The following C5orf15 variants were observed in gnomAD, a reference collection of about 807,000 sequenced individuals.
C5orf15 encodes the protein keratinocyte-associated transmembrane protein 2.
C5orf15 carries 10 observed loss-of-function variants against 17.8 expected under a neutral mutation model. The observed-to-expected ratio is 0.56, with a 90% CI of 0.35 to 0.95. The LOEUF (loss-of-function observed/expected upper bound fraction) is 0.95, where lower values mean the gene tolerates loss of function less well. C5orf15 is among the 40% of genes least tolerant of loss of function. C5orf15 has a pLI of 0.02. For synonymous variants in C5orf15, 124 were observed against 131.0 expected (o/e 0.95, Z 0.36); for missense variants, 319 against 331.7 (o/e 0.96, Z 0.30).
rs1360359956 is a variant in C5orf15 at position 133,956,960 on chromosome 5, G to T, written c.697C>A (p.Arg233Ser). ...IFLLVQSRKW[R>S]DGLCSKTVEY... ...ACTGTTTTGGAACAAAGGCCATCAC[G>T]CCATTTCCTGCTTTGAACCAGAAGA... is the stretch of plus-strand genomic sequence containing the variant. The change falls in exon 3 of 3, where the codon CGT becomes AGT. Residue 233 changes from arginine (R) to serine (S), a missense_variant. Physicochemically the swap from Arg to Ser is moderately radical, Grantham distance 110. Coordinates refer to ENST00000231512, the MANE Select transcript of C5orf15 (RefSeq NM_020199.3). 1 of 1,610,270 alleles carries T rather than the reference G, an allele frequency of 6.2e-7. No homozygotes were observed. Among genetic ancestry groups the T allele is most frequent in the Non-Finnish European group, 8.5e-7 (1 of 1,178,958 alleles).
At position 133,968,551 on chromosome 5, in the gene C5orf15, G is replaced by T. The variant is rs1233419461; in HGVS notation, c.34C>A (p.Pro12Thr). The T allele has an allele frequency of 3.1e-6, 5 of 1,609,892 alleles. No homozygotes were observed. Among genetic ancestry groups the T allele is most frequent in the Non-Finnish European group, 4.2e-6 (5 of 1,178,702 alleles). The change falls in exon 1 of 3, where the codon CCA becomes ACA. Residue 12 changes from proline (P) to threonine (T), a missense_variant. This residue lies in a region of C5orf15 where 127 missense variants were observed against 95.6 expected (regional missense o/e 1.33). Transcript: ENST00000231512. ...AAAVPKRMRG[P>T]AQAKLLPGSA... ...CCGGGCAGCAGTTTCGCTTGTGCTG[G>T]CCCCCTCATCCTCTTCGGGACGGCA...
At position 133,959,673 on chromosome 5, in the gene C5orf15, C is replaced by A; in HGVS notation, c.487G>T (p.Asp163Tyr). Residue 163 changes from aspartate to tyrosine, a missense_variant, in exon 2 of 3, where the codon GAC becomes TAC. This residue lies in a region of C5orf15 where 175 missense variants were observed against 192.4 expected (regional missense o/e 0.91). Coordinates refer to ENST00000231512, the MANE Select transcript of C5orf15 (RefSeq NM_020199.3). ...TCTTCCAAGGTGTCATCAGACTCGTCGTCGTCCCTGGGGCCCGTGGTCCAG... is the reference window on the plus strand; with the variant it reads ...TCTTCCAAGGTGTCATCAGACTCGTAGTCGTCCCTGGGGCCCGTGGTCCAG... The part of the protein sequence containing the change: ...YDWTTGPRDD[D>Y]ESDDTLEENR... 1 of 1,613,554 alleles carries A rather than the reference C, an allele frequency of 6.2e-7. No individual in the cohort carries two copies. Among genetic ancestry groups the A allele is most frequent in the Non-Finnish European group, 8.5e-7 (1 of 1,179,840 alleles).
In C5orf15 at chr5:133,959,511, A is replaced by G; in HGVS notation, c.649T>C (p.Tyr217His). Reference protein sequence around the residue: ...AFCIAVVYITYHNKRKIFLLV... With the variant: ...AFCIAVVYITHHNKRKIFLLV... Reference sequence around the variant, plus strand: ...AAACCTACCTTCCTTTTGTTGTGATATGTAATGTAAACAACAGCAATGCAA... The same window carrying G: ...AAACCTACCTTCCTTTTGTTGTGATGTGTAATGTAAACAACAGCAATGCAA... The change falls in exon 2 of 3, where the codon TAT becomes CAT. Residue 217 changes from tyrosine (Y) to histidine (H), a missense_variant. Physicochemically the swap from Tyr to His is moderately conservative, Grantham distance 83 (BLOSUM62 2). Transcript: ENST00000231512. 2 of 1,539,068 alleles carry G rather than the reference A, an allele frequency of 1.3e-6. No individual in the cohort carries two copies. The highest frequency in any genetic ancestry group is 1.7e-6 in the Non-Finnish European group (2 of 1,143,196).
chr5:133,961,284 G>A (rs537529677), intron 1 of C5orf15, among the ~76,000 whole-genome samples: 259 of 123,338 alleles, frequency 2.1e-3, no homozygotes, highest in Admixed American at 2.9e-3. Context: ...TGTGGCTCAC[G>A]CCTGTAATCC....
At chr5:133,968,250 C>T (rs1752225041) in intron 1 of C5orf15, among the ~76,000 whole-genome samples, 196 bp downstream of exon 1, 1 of 152,036 alleles carries the variant, frequency 6.6e-6, no homozygotes, top group Non-Finnish European at 1.5e-5. Context: ...TTCTCAGGCC[C>T]CTTGGAGACC....
At chr5:133,960,371 G>A (rs139719527) in intron 1 of C5orf15, among the ~76,000 whole-genome samples, 118 of 152,242 alleles carry the variant, frequency 7.8e-4, no homozygotes, top group African/African-American at 2.6e-3. Context: ...TTCATAAAGG[G>A]TGTGGATTTC....
rs544989055 is a variant in C5orf15, at chr5:133,959,981, T to A, written c.179A>T (p.Asn60Ile). The A allele has an allele frequency of 1.2e-6, 2 of 1,613,044 alleles. No individual in the cohort carries two copies. Among genetic ancestry groups the A allele is most frequent in the South Asian group, 2.2e-5 (2 of 91,048 alleles). ...RTDSPSPTVL[N>I]SHISTPNVNA... ...CACATTTGGGGTAGAAATATGTGAG[T>A]TGAGTACGGTTGGGCTCGGTGAATC... The change falls in exon 2 of 3, where the codon AAC (asparagine) becomes ATC (isoleucine). Residue 60 changes from asparagine to isoleucine, a missense_variant. By Grantham distance (149) the Asn-to-Ile change is moderately radical (BLOSUM62 -3). This residue lies in a region of C5orf15 where 127 missense variants were observed against 95.6 expected (regional missense o/e 1.33). Transcript: ENST00000231512.
chr5:133,958,599 A>AC (rs1207755880), intron 2 of C5orf15, among the ~76,000 whole-genome samples: 8 of 149,260 alleles, frequency 5.4e-5, no homozygotes, highest in African/African-American at 1.3e-4. Context: ...AAAAAAAAAA[A>AC]AAAAACTCTG....
rs749943142 is a variant in C5orf15, at chr5:133,959,700, CAT to C, written c.458_459del (p.Tyr153Ter). 120 of 1,613,720 alleles carry C rather than the reference CAT, an allele frequency of 7.4e-5. No homozygotes were observed. Among genetic ancestry groups the C allele is most frequent in the Admixed American group, 4.8e-4 (29 of 59,976 alleles). On this transcript the variant is annotated frameshift_variant, in exon 2 of 3. Transcript: ENST00000231512. LOFTEE classifies it high-confidence loss of function. ...LDNGDYGEPD[Y>X]DWTTGPRDDD... ...TCGTCCCTGGGGCCCGTGGTCCAGT[CAT>C]AGTCTGGTTCTCCATAATCGCCATT... is the stretch of plus-strand genomic sequence containing the variant.
chr5:133,964,400 G>C (rs774749105), intron 1 of C5orf15, among the ~76,000 whole-genome samples: 9 of 152,120 alleles, frequency 5.9e-5, no homozygotes, highest in Non-Finnish European at 1.0e-4. Context: ...GTTACCAGGA[G>C]TTCAGGAGGG....
rs1403626462 is a variant in C5orf15, at chr5:133,968,500, A to G, written c.85T>C (p.Leu29=). Residue 29 remains leucine (L), a synonymous_variant, in exon 1 of 3, where the codon TTG becomes CTG. Coordinates refer to ENST00000231512, the MANE Select transcript of C5orf15 (RefSeq NM_020199.3). ...PGSAIQALVG[L]ARPLVLALLL... is the part of the protein sequence containing the mutation. ...AGCGCCAAGACCAGCGGCCGCGCCA[A>G]CCCCACAAGGGCTTGGATGGCCGAC... 1.2e-6 allele frequency: 2 copies of G among 1,606,564 alleles called. No homozygotes were observed. The highest frequency in any genetic ancestry group is 4.5e-5 in the East Asian group (2 of 44,694).
At chr5:133,958,951 TTTC>T (rs1321260505) in intron 2 of C5orf15, among the ~76,000 whole-genome samples, 11 of 152,174 alleles carry the variant, frequency 7.2e-5, no homozygotes, top group Admixed American at 1.3e-4. Flanking sequence ...AATAGGACTA[TTTC>T]TTTTTTTAGA....
chr5:133,964,636 G>T lies in C5orf15; in HGVS notation c.139+3810C>A, dbSNP rs139088388. 7.5e-4 allele frequency among the ~76,000 whole-genome samples: 114 copies of T among 152,268 alleles called. 1 individual carries two copies. The highest frequency in any genetic ancestry group is 2.5e-3 in the African/African-American group (104 of 41,564). ...TGAATCTATAATTATCTCAAAATAA[G>T]TTTAAATAAATTCCTATGCCCCACT... is the stretch of plus-strand genomic sequence containing the variant. On this transcript the variant is annotated intron_variant, in intron 1 of 2. Transcript: ENST00000231512.
At chr5:133,960,938 TAAA>T (rs36040724) in intron 1 of C5orf15, among the ~76,000 whole-genome samples, 44 of 137,748 alleles carry the variant, frequency 3.2e-4, no homozygotes, top group African/African-American at 1.1e-3. Flanking sequence ...ACTAAAAAAA[TAAA>T]AAAAAAAAAC....
At chr5:133,958,596 A>AT (rs921786466) in intron 2 of C5orf15, among the ~76,000 whole-genome samples, 3 of 148,144 alleles carry the variant, frequency 2.0e-5, no homozygotes, top group Admixed American at 6.7e-5. Flanking sequence ...AAAAAAAAAA[A>AT]AAAAAAAACT....
intron 1 of C5orf15, among the ~76,000 whole-genome samples, chr5:133,962,104 CAT>C (rs2126877664): frequency 6.6e-6 from 1 of 152,186 alleles, no homozygotes; most frequent in East Asian, 1.9e-4. Context: ...GTACAAAAAA[CAT>C]GTTTTAAAAT....
chr5:133,959,961 T>G lies in C5orf15; in HGVS notation c.199A>C (p.Asn67His). Reference protein sequence around the residue: ...TVLNSHISTPNVNALTHENQT... With the variant: ...TVLNSHISTPHVNALTHENQT... Reference sequence around the variant, plus strand: ...TTTTCATGTGTTAAAGCATTCACATTTGGGGTAGAAATATGTGAGTTGAGT... The same window carrying G: ...TTTTCATGTGTTAAAGCATTCACATGTGGGGTAGAAATATGTGAGTTGAGT... The change falls in exon 2 of 3, where the codon AAT becomes CAT. Residue 67 changes from asparagine (N) to histidine (H), a missense_variant. Coordinates refer to ENST00000231512, the MANE Select transcript of C5orf15 (RefSeq NM_020199.3). 6.2e-7 allele frequency: 1 copy of G among 1,614,050 alleles called. No homozygotes were observed. Among genetic ancestry groups the G allele is most frequent in the Non-Finnish European group, 8.5e-7 (1 of 1,179,974 alleles).
Position 133,959,693 on chromosome 5 carries a change from G to T in C5orf15, c.467C>A (p.Thr156Asn). Reference sequence around the variant, plus strand: ...CTCGTCGTCGTCCCTGGGGCCCGTGGTCCAGTCATAGTCTGGTTCTCCATA... The same window carrying T: ...CTCGTCGTCGTCCCTGGGGCCCGTGTTCCAGTCATAGTCTGGTTCTCCATA... ...GDYGEPDYDWTTGPRDDDESD... is the reference protein window; with the variant it reads ...GDYGEPDYDWNTGPRDDDESD... The change falls in exon 2 of 3, where the codon ACC becomes AAC. Residue 156 changes from threonine (T) to asparagine (N), a missense_variant. By Grantham distance (65) the Thr-to-Asn change is moderately conservative (BLOSUM62 0). Transcript: ENST00000231512. 1 of 1,613,578 alleles carries T rather than the reference G, an allele frequency of 6.2e-7. No individual in the cohort carries two copies. The highest frequency in any genetic ancestry group is 8.5e-7 in the Non-Finnish European group (1 of 1,179,794).
chr5:133,963,158 A>C (rs903438530), intron 1 of C5orf15, among the ~76,000 whole-genome samples: 1 of 152,264 alleles, frequency 6.6e-6, no homozygotes, highest in Admixed American at 6.5e-5. Context: ...AATTGTTGGC[A>C]ATCATATTTT....
Sources: gnomAD v4.1 joint callset for allele counts (sites outside exome capture counted in the v4.1 genomes callset) on GRCh38, gnomAD v4.1.1 for gene constraint, gnomAD v4.1.1 regional missense constraint, MANE v1.5 for transcripts, NCBI Gene and HGNC (gene_info 2026-07-23, HGNC 2026-07-21) for gene names.